The following SIAH3 variants were observed in gnomAD, a reference collection of about 807,000 sequenced individuals.
The protein encoded by SIAH3 is seven in absentia homolog 3.
A neutral mutation model predicts 12.6 loss-of-function variants in SIAH3; 9 were observed. That is an observed-to-expected ratio of 0.72 (90% confidence interval 0.43 to 1.25). The LOEUF (loss-of-function observed/expected upper bound fraction) is 1.25. Among genes scored for constraint, SIAH3 ranks in the 50% most tolerant of loss-of-function variants. The probability of loss-of-function intolerance (pLI) is 0.00; values close to 1 mark genes in which losing one functional copy is unlikely to be tolerated. For synonymous variants in SIAH3, 154 were observed against 151.1 expected (o/e 1.02, Z -0.14); for missense variants, 390 against 365.4 (o/e 1.07, Z -0.55).
intron 1 of SIAH3, among the ~76,000 whole-genome samples, chr13:45,834,018 AAAG>A (rs1309068113): frequency 1.2e-4 from 19 of 152,176 alleles, no homozygotes; most frequent in South Asian, 4.1e-4. Context: ...AAAAAAAAAA[AAAG>A]AAGGGGAAAA....
chr13:45,784,991 A>G (rs761058874), intron 1 of SIAH3, among the ~76,000 whole-genome samples: 1 of 152,216 alleles, frequency 6.6e-6, no homozygotes, highest in Non-Finnish European at 1.5e-5. Flanking sequence ...AGTTTTGACA[A>G]AGGTCCTCCA....
chr13:45,807,189 T>C (rs1324881236), intron 1 of SIAH3, among the ~76,000 whole-genome samples: 1 of 152,034 alleles, frequency 6.6e-6, no homozygotes, highest in Non-Finnish European at 1.5e-5. Context: ...TAAATAAAAG[T>C]ATCATCTATT....
chr13:45,845,092 A>G (rs2137585556), intron 1 of SIAH3, among the ~76,000 whole-genome samples: 1 of 152,340 alleles, frequency 6.6e-6, no homozygotes, highest in Middle Eastern at 3.4e-3. Flanking sequence ...CATAGTGCCA[A>G]TATACTATGC....
chr13:45,824,267 A>G (rs1950665977), intron 1 of SIAH3, among the ~76,000 whole-genome samples: 1 of 152,232 alleles, frequency 6.6e-6, no homozygotes, highest in Non-Finnish European at 1.5e-5. Flanking sequence ...TATTTGTCCC[A>G]CAACGCCACA....
At chr13:45,831,119 C>T (rs1445519775) in intron 1 of SIAH3, among the ~76,000 whole-genome samples, 4 of 151,838 alleles carry the variant, frequency 2.6e-5, no homozygotes, top group East Asian at 1.9e-4. Flanking sequence ...GTGGGGGTTG[C>T]AGTGAGCCGA....
intron 1 of SIAH3, among the ~76,000 whole-genome samples, chr13:45,823,927 T>A (rs910717195): frequency 2.6e-5 from 4 of 152,200 alleles, no homozygotes; most frequent in Non-Finnish European, 5.9e-5. Flanking sequence ...ACTGTATTTT[T>A]AAAAAAATAT....
chr13:45,831,588 A>G (rs1168493266), intron 1 of SIAH3, among the ~76,000 whole-genome samples: 1 of 152,108 alleles, frequency 6.6e-6, no homozygotes, highest in African/African-American at 2.4e-5. Context: ...CCTCCTCTCA[A>G]GCAGTTTATA....
chr13:45,834,036 G>T, intron 1 of SIAH3, among the ~76,000 whole-genome samples: 1 of 151,182 alleles, frequency 6.6e-6, no homozygotes, highest in East Asian at 1.9e-4. Flanking sequence ...GGAAAAAAAA[G>T]CCCTTCCATT....
At chr13:45,822,732 A>C (rs1025735205) in intron 1 of SIAH3, among the ~76,000 whole-genome samples, 3 of 151,798 alleles carry the variant, frequency 2.0e-5, no homozygotes, top group Admixed American at 1.3e-4. Flanking sequence ...CTGGATGACA[A>C]ATGTTTGCTG....
chr13:45,811,712 G>A (rs1262416142), intron 1 of SIAH3, among the ~76,000 whole-genome samples: 1 of 152,214 alleles, frequency 6.6e-6, no homozygotes, highest in Non-Finnish European at 1.5e-5. Flanking sequence ...CAGGATCCTA[G>A]CGTTCTGAAG....
intron 1 of SIAH3, among the ~76,000 whole-genome samples, chr13:45,851,186 C>G (rs912049651): frequency 1.1e-4 from 16 of 152,148 alleles, no homozygotes; most frequent in African/African-American, 3.6e-4. Context: ...GGGACGCCCC[C>G]CTGTTCCCTC....
At chr13:45,786,976 C>G (rs1950530138) in intron 1 of SIAH3, among the ~76,000 whole-genome samples, 1 of 152,108 alleles carries the variant, frequency 6.6e-6, no homozygotes, top group Admixed American at 6.5e-5. Context: ...CTGACCTGTA[C>G]AGCTAATGTC....
chr13:45,796,971 C>T (rs73173711), intron 1 of SIAH3, among the ~76,000 whole-genome samples: 223 of 152,276 alleles, frequency 1.5e-3, no homozygotes, highest in Non-Finnish European at 2.4e-3. Context: ...GGGAGAATTC[C>T]TGCCCCCAGG....
intron 1 of SIAH3, among the ~76,000 whole-genome samples, chr13:45,814,155 C>T (rs111412270): frequency 1.9e-3 from 270 of 143,988 alleles, no homozygotes; most frequent in African/African-American, 6.6e-3. Context: ...AGGAGAATGG[C>T]GTGAACCCGG....
At chr13:45,851,169 A>C (rs548464883) in intron 1 of SIAH3, among the ~76,000 whole-genome samples, 1 of 152,094 alleles carries the variant, frequency 6.6e-6, no homozygotes, top group East Asian at 1.9e-4. Flanking sequence ...TAGTAGGGGG[A>C]GTGATGGGGA....
At chr13:45,794,683 C>T (rs1156521577) in intron 1 of SIAH3, among the ~76,000 whole-genome samples, 1 of 152,172 alleles carries the variant, frequency 6.6e-6, no homozygotes, top group African/African-American at 2.4e-5. Context: ...TTTGCTCCTC[C>T]TTCACTTCTG....
intron 1 of SIAH3, 106 bp downstream of exon 1, chr13:45,851,389 A>ACC: frequency 6.8e-7 from 1 of 1,470,210 alleles, no homozygotes; most frequent in Non-Finnish European, 9.3e-7. Context: ...AGCCCCCGAG[A>ACC]CCCGGGTTTG....
intron 1 of SIAH3, among the ~76,000 whole-genome samples, chr13:45,790,201 G>T (rs1950541479): frequency 6.6e-6 from 1 of 152,084 alleles, no homozygotes; most frequent in Non-Finnish European, 1.5e-5. Context: ...TGGAGAGATT[G>T]GTTAGTACAC....
intron 1 of SIAH3, among the ~76,000 whole-genome samples, chr13:45,847,455 C>A (rs760074262): frequency 2.0e-5 from 3 of 152,186 alleles, no homozygotes; most frequent in Non-Finnish European, 4.4e-5. Flanking sequence ...CAGCTCCCAC[C>A]CTCCCCACTG....
Sources: allele counts gnomAD v4.1 joint callset (sites outside exome capture counted in the v4.1 genomes callset), GRCh38; gene constraint gnomAD v4.1.1; transcripts MANE v1.5; gene names NCBI Gene and HGNC (gene_info 2026-07-23, HGNC 2026-07-21).